The following THG1L variants were observed in gnomAD, a reference collection of about 807,000 sequenced individuals.
The protein encoded by THG1L is probable tRNA(His) guanylyltransferase.
Under a neutral mutation model 35.2 loss-of-function variants are expected in THG1L, and 27 were observed. That is an observed-to-expected ratio of 0.77 (90% CI 0.57 to 1.06). The LOEUF (loss-of-function observed/expected upper bound fraction) is 1.06. Ranked by LOEUF, THG1L falls within the 50% of genes least tolerant of loss-of-function variation. The pLI, the probability that THG1L is intolerant of heterozygous loss-of-function variation, is 0.00. For synonymous variants in THG1L, 135 were observed against 132.4 expected, an observed-to-expected ratio of 1.02 and a Z score of -0.14; for missense variants, 377 against 371.8, an observed-to-expected ratio of 1.01 and a Z score of -0.12.
chr5:157,734,504 TATC>T, intron 2 of THG1L, 69 bp from the exon 3 acceptor site: 2 of 1,569,864 alleles, frequency 1.3e-6, no homozygotes, highest in East Asian at 2.2e-5. Context: ...CCACAGGTCT[TATC>T]ATGGTGTTGA....
Position 157,734,664 on chromosome 5 carries a change from C to T in THG1L, c.457C>T (p.Pro153Ser), listed in dbSNP as rs1274150786. The change falls in exon 3 of 6, where the codon CCC becomes TCC. Residue 153 changes from proline (P) to serine (S), a missense_variant. Pro to Ser is a moderately conservative substitution (Grantham distance 74). Transcript: ENST00000231198. The stretch of plus-strand genomic sequence containing the variant: ...CTTTGAGGACCAGCCCCTTCTGTAT[C>T]CCCCAGGCTTTGACGGAAGAGTCGT... The part of the protein sequence containing the change: ...DYFEDQPLLY[P>S]PGFDGRVVVY... 1 of 1,614,086 alleles carries T rather than the reference C, an allele frequency of 6.2e-7. No individual in the cohort carries two copies. Among genetic ancestry groups the T allele is most frequent in the East Asian group, 2.2e-5 (1 of 44,864 alleles).
At chr5:157,738,055 C>A (rs1318094801) in intron 5 of THG1L, 61 bp downstream of exon 5, 2 of 1,314,014 alleles carry the variant, frequency 1.5e-6, no homozygotes, top group Non-Finnish European at 2.2e-6. Flanking sequence ...TGTGCCCATT[C>A]CAAGCTGTGC....
At chr5:157,738,700 G>T in intron 5 of THG1L, 1 of 413,774 alleles carries the variant, frequency 2.4e-6, no homozygotes, top group South Asian at 1.8e-5. Flanking sequence ...TTATTCTTTG[G>T]TACAGACTTG....
At chr5:157,736,214 G>A (rs558669047) in intron 4 of THG1L, among the ~76,000 whole-genome samples, 2 of 151,362 alleles carry the variant, frequency 1.3e-5, no homozygotes, top group Non-Finnish European at 2.9e-5. Context: ...GCCTGAAGCC[G>A]TGTATGACTG....
Position 157,731,628 on chromosome 5 carries a change from A to G in THG1L, c.188A>G (p.His63Arg), listed in dbSNP as rs539232902. The G allele has an allele frequency of 5.0e-6, 8 of 1,596,190 alleles. No homozygotes were observed. The highest frequency in any genetic ancestry group is 1.7e-4 in the Middle Eastern group (1 of 5,952). The change falls in exon 1 of 6, where the codon CAT becomes CGT. Residue 63 changes from histidine (H) to arginine (R), a missense_variant. Physicochemically the swap from His to Arg is conservative, Grantham distance 29. Transcript: ENST00000231198. The stretch of plus-strand genomic sequence containing the variant: ...GTGCGGCTGGACGGCCGGAATTTCC[A>G]TCGGTGAGCGAGCTCGACTCGGGGC... ...VVVRLDGRNFHRFAEKHNFAK... is the reference protein window; with the variant it reads ...VVVRLDGRNFRRFAEKHNFAK...
At chr5:157,732,223 A>G (rs1170137288) in intron 1 of THG1L, among the ~76,000 whole-genome samples, 1 of 102,160 alleles carries the variant, frequency 9.8e-6, no homozygotes, top group Non-Finnish European at 2.2e-5. Flanking sequence ...TACAAAAAAA[A>G]AAAAAAAAAA....
chr5:157,735,783 G>A lies in THG1L; in HGVS notation c.539-63G>A, dbSNP rs1581440719. ...GAGGGTCAGGGCTCTAGTATTCCTTGAAGAATGAATATTCAATAAAGATTT... is the reference window on the plus strand; with the variant it reads ...GAGGGTCAGGGCTCTAGTATTCCTTAAAGAATGAATATTCAATAAAGATTT... On this transcript the variant is annotated intron_variant, in intron 3 of 5. Coordinates refer to ENST00000231198, the MANE Select transcript of THG1L (RefSeq NM_017872.5). 4 of 1,163,520 alleles carry A rather than the reference G, an allele frequency of 3.4e-6. No individual in the cohort carries two copies. In the East Asian group the frequency reaches 7.6e-5, roughly 22 times the overall value. The allele number at this position is 1,163,520 out of a possible 1,614,324, so 72.1% of individuals were successfully genotyped here.
In THG1L at chr5:157,735,238, G is replaced by A. The variant is rs374242390; in HGVS notation, c.538+493G>A. The stretch of plus-strand genomic sequence containing the variant: ...TAGGCGTGAGCCACCACGCCCAGCC[G>A]CCTTATCTCTATTTTTTAAAAAAAT... On this transcript the variant is annotated intron_variant, in intron 3 of 5. Coordinates refer to ENST00000231198, the MANE Select transcript of THG1L (RefSeq NM_017872.5). 8.5e-5 allele frequency among the ~76,000 whole-genome samples: 13 copies of A among 152,170 alleles called. No individual in the cohort carries two copies. The East Asian group carries it at 1.7e-3, about 20-fold the overall frequency.
In THG1L at chr5:157,737,895, T is replaced by A. The variant is rs1173169509; in HGVS notation, c.636T>A (p.Leu212=). 1.9e-6 allele frequency: 3 copies of A among 1,612,316 alleles called. No homozygotes were observed. In the South Asian group the frequency reaches 3.3e-5, roughly 18 times the overall value. Reference sequence around the variant, plus strand: ...TATTTTTATTTTCTCAGGGAACTCTTGCAGCAGACAAGAATGAGATTTTGT... The same window carrying A: ...TATTTTTATTTTCTCAGGGAACTCTAGCAGCAGACAAGAATGAGATTTTGT... ...VQAQGRLQGT[L]AADKNEILFS... Residue 212 remains leucine, a synonymous_variant, in exon 5 of 6, where the codon CTT becomes CTA. Coordinates refer to ENST00000231198, the MANE Select transcript of THG1L (RefSeq NM_017872.5).
intron 5 of THG1L, 37 bp downstream of exon 5, chr5:157,738,031 G>A: frequency 6.5e-7 from 1 of 1,535,998 alleles, no homozygotes; most frequent in Non-Finnish European, 9.0e-7. Context: ...TGGAAGTCAG[G>A]AAAAAAGATA....
chr5:157,734,000 C>T (rs751636920), intron 2 of THG1L, among the ~76,000 whole-genome samples: 1 of 152,036 alleles, frequency 6.6e-6, no homozygotes, highest in Non-Finnish European at 1.5e-5. Context: ...TAAAAATACC[C>T]CTTGAATCAT....
In THG1L at chr5:157,739,372, A is replaced by G. The variant is rs200088450; in HGVS notation, c.787A>G (p.Lys263Glu). The G allele has an allele frequency of 5.0e-6, 8 of 1,613,948 alleles. No individual in the cohort carries two copies. The African/African-American group carries it at 1.1e-4, about 22-fold the overall frequency. ...TAAGCTGCCAACAGAAATGGAAGGA[A>G]AAAAGATGGCAGTGACCCGGACCAG... Reference protein sequence around the residue: ...EIKLPTEMEGKKMAVTRTRTK... With the variant: ...EIKLPTEMEGEKMAVTRTRTK... The change falls in exon 6 of 6, where the codon AAA becomes GAA. Residue 263 changes from lysine (K) to glutamate (E), a missense_variant. Coordinates refer to ENST00000231198, the MANE Select transcript of THG1L (RefSeq NM_017872.5).
intron 5 of THG1L, 140 bp downstream of exon 5, chr5:157,738,134 T>C (rs961936191): frequency 6.3e-6 from 4 of 637,070 alleles, no homozygotes; most frequent in Non-Finnish European, 1.1e-5. Context: ...GGAGAGGCCA[T>C]AGATTCTTAT....
At chr5:157,736,191 C>T (rs538665682) in intron 4 of THG1L, among the ~76,000 whole-genome samples, 103 of 151,776 alleles carry the variant, frequency 6.8e-4, no homozygotes, top group Non-Finnish European at 1.3e-3. Context: ...TGCATTCCCA[C>T]GTGCTAACAC....
chr5:157,737,984 T>TA lies in THG1L; in HGVS notation c.726dup (p.Trp243MetfsTer6). On this transcript the variant is annotated frameshift_variant, in exon 5 of 6. Transcript: ENST00000231198. LOFTEE classifies it high-confidence loss of function. ...ATGTATAGGAAAGGGACTGTGTTGA[T>TA]ATGGCAGAAGGTAATGCTGTTATGT... 2 of 1,610,818 alleles carry TA rather than the reference T, an allele frequency of 1.2e-6. No individual in the cohort carries two copies. The highest frequency in any genetic ancestry group is 1.7e-6 in the Non-Finnish European group (2 of 1,177,978).
Position 157,731,592 on chromosome 5 carries a change from GC to G in THG1L, c.153del (p.Trp52GlyfsTer3). Reference sequence around the variant, plus strand: ...GCTGACGACACCTGCCTGGCACACTGCTGGGTGGTAGTGCGGCTGGACGGCC... The same window carrying G: ...GCTGACGACACCTGCCTGGCACACTGTGGGTGGTAGTGCGGCTGGACGGCC... The part of the protein sequence containing the change: ...FEADDTCLAH[C>X]WVVVRLDGRN... On this transcript the variant is annotated frameshift_variant, in exon 1 of 6. Coordinates refer to ENST00000231198, the MANE Select transcript of THG1L (RefSeq NM_017872.5). LOFTEE classifies it high-confidence loss of function. 1 of 1,607,870 alleles carries G rather than the reference GC, an allele frequency of 6.2e-7. No individual in the cohort carries two copies.
At position 157,735,937 on chromosome 5, in the gene THG1L, A is replaced by G. The variant is rs1173752492; in HGVS notation, c.627+3A>G. The G allele has an allele frequency of 3.8e-6, 6 of 1,582,094 alleles. No homozygotes were observed. Among genetic ancestry groups the G allele is most frequent in the Admixed American group, 1.8e-5 (1 of 55,246 alleles). Reference sequence around the variant, plus strand: ...TACAAGCCCAAGGGAGATTACAGGTATAAAGATCTTACTACATTAATACTT... The same window carrying G: ...TACAAGCCCAAGGGAGATTACAGGTGTAAAGATCTTACTACATTAATACTT... On this transcript the variant is annotated splice_donor_region_variant and intron_variant, in intron 4 of 5. Transcript: ENST00000231198.
intron 3 of THG1L, among the ~76,000 whole-genome samples, 194 bp downstream of exon 3, chr5:157,734,939 ATTT>A: frequency 7.1e-6 from 1 of 140,004 alleles, no homozygotes; most frequent in Admixed American, 7.2e-5. Context: ...CCTTATCTCT[ATTT>A]TTTTTTTTTT....
At chr5:157,732,236 AAAAAAAAAGAG>A (rs1760745900) in intron 1 of THG1L, among the ~76,000 whole-genome samples, 2 of 96,414 alleles carry the variant, frequency 2.1e-5, no homozygotes, top group Non-Finnish European at 2.4e-5. Context: ...AAAAAAAAAA[AAAAAAAAAGAG>A]AGAGAGAGAG....
Sources: allele counts gnomAD v4.1 joint callset (sites outside exome capture counted in the v4.1 genomes callset), GRCh38; gene constraint gnomAD v4.1.1; transcripts MANE v1.5; gene names NCBI Gene and HGNC (gene_info 2026-07-23, HGNC 2026-07-21).